CCNDBP1: variants seen among roughly 807,000 people sequenced by gnomAD.
The protein encoded by CCNDBP1 is cyclin D1 binding protein 1.
Under a neutral mutation model 46.2 loss-of-function variants are expected in CCNDBP1, and 45 were observed. That is an observed-to-expected ratio of 0.97 (90% CI 0.77 to 1.25). CCNDBP1 has a LOEUF of 1.25. Ranked by LOEUF, CCNDBP1 falls within the 50% of genes most tolerant of loss-of-function variation. CCNDBP1 has a pLI of 0.00. For synonymous variants in CCNDBP1, 154 were observed against 163.6 expected (o/e 0.94, Z 0.45); for missense variants, 436 against 442.1 (o/e 0.99, Z 0.12).
In CCNDBP1 at chr15:43,194,458, C is replaced by A. The variant is rs377272929; in HGVS notation, c.965C>A (p.Thr322Lys). 110 of 1,603,946 alleles carry A rather than the reference C, an allele frequency of 6.9e-5. No individual in the cohort carries two copies. The Middle Eastern group carries it at 8.3e-4, about 12-fold the overall frequency. Residue 322 changes from threonine (T) to lysine (K), a missense_variant, in exon 10 of 11, where the codon ACA becomes AAA. By Grantham distance (78) the Thr-to-Lys change is moderately conservative. Transcript: ENST00000300213. ...GTTTTAAAGAAGGCACTTGAAATTACAAAGTAAGTATGAAGACTTCTCAGA... is the reference window on the plus strand; with the variant it reads ...GTTTTAAAGAAGGCACTTGAAATTAAAAAGTAAGTATGAAGACTTCTCAGA... ...VSVLKKALEI[T>K]KASHVTPQPE...
In CCNDBP1 at chr15:43,194,919, A is replaced by G. The variant is rs1437522503; in HGVS notation, c.*78A>G. 1.1e-6 allele frequency: 1 copy of G among 882,540 alleles called. No homozygotes were observed. The allele number at this position is 882,540 out of a possible 1,614,324, so 54.7% of individuals were successfully genotyped here. A position where few individuals can be genotyped will look rare whatever the true frequency, so the allele number is the denominator to read the frequency against. Reference sequence around the variant, plus strand: ...TGATACCTGCTTTTAAAATGGAGCTAGAATGCTTGCTGGATTGAAAGGGAG... The same window carrying G: ...TGATACCTGCTTTTAAAATGGAGCTGGAATGCTTGCTGGATTGAAAGGGAG... On this transcript the variant is annotated 3_prime_UTR_variant, in exon 11 of 11. Transcript: ENST00000300213.
At position 43,196,251 on chromosome 15, in the gene CCNDBP1, T is replaced by TA. The variant is rs1308830882; in HGVS notation, c.*1410_*1411insA. On this transcript the variant is annotated 3_prime_UTR_variant, in exon 11 of 11. Transcript: ENST00000300213. ...GTCATGTTTGGATCTTTAAGGATAA[T>TA]GATCAGGGAAAGCACTGATCAATGT... The TA allele has an allele frequency of 2.0e-5, 3 of 151,228 alleles. No homozygotes were observed. The highest frequency in any genetic ancestry group is 7.3e-5 in the African/African-American group (3 of 41,202). 9.4% of individuals were successfully genotyped at this position (151,228 alleles called of 1,614,324 possible).
intron 4 of CCNDBP1, 101 bp downstream of exon 4, chr15:43,189,381 C>T: frequency 1.6e-6 from 1 of 637,780 alleles, no homozygotes; most frequent in East Asian, 2.9e-5. Context: ...ATGTAACTTT[C>T]TCCCATAAAA....
chr15:43,193,783 G>C (rs908315719), intron 9 of CCNDBP1, among the ~76,000 whole-genome samples: 2 of 152,150 alleles, frequency 1.3e-5, no homozygotes, highest in Admixed American at 1.3e-4. Flanking sequence ...AGATTCATCA[G>C]ATGTGTCTTC....
intron 10 of CCNDBP1, 42 bp downstream of exon 10, chr15:43,194,503 CG>C (rs2042013441): frequency 6.7e-7 from 1 of 1,499,204 alleles, no homozygotes; most frequent in East Asian, 2.3e-5. Context: ...GTGAGTAAAA[CG>C]GAACTGCTGT....
intron 8 of CCNDBP1, 120 bp from the exon 9 acceptor site, chr15:43,192,623 A>G (rs2041971910): frequency 1.1e-5 from 10 of 888,856 alleles, no homozygotes; most frequent in Middle Eastern, 2.3e-4. Flanking sequence ...CAGTTGCCCA[A>G]TTTTAAAAAC....
intron 9 of CCNDBP1, among the ~76,000 whole-genome samples, chr15:43,193,651 C>G (rs1050630045): frequency 6.6e-6 from 1 of 152,136 alleles, no homozygotes; most frequent in Non-Finnish European, 1.5e-5. Flanking sequence ...GTGCCCTTTA[C>G]TAGAGAGAGT....
chr15:43,192,832 C>T (rs1187918951), intron 9 of CCNDBP1, 29 bp downstream of exon 9: 2 of 1,599,026 alleles, frequency 1.3e-6, no homozygotes, highest in Non-Finnish European at 1.7e-6. Flanking sequence ...GGAATAGCTA[C>T]AGAACAAATG....
intron 6 of CCNDBP1, 104 bp from the exon 7 acceptor site, chr15:43,190,862 C>T: frequency 1.1e-6 from 1 of 911,004 alleles, no homozygotes; most frequent in Non-Finnish European, 1.8e-6. Flanking sequence ...GTCAACCGTC[C>T]TTGGCACTCC....
chr15:43,186,506 T>G (rs1361972212), intron 3 of CCNDBP1, among the ~76,000 whole-genome samples: 2 of 152,214 alleles, frequency 1.3e-5, no homozygotes, highest in East Asian at 1.9e-4. Flanking sequence ...TTTTATTTGC[T>G]GGGTGTTTTC....
intron 4 of CCNDBP1, chr15:43,189,587 A>G: frequency 2.8e-6 from 1 of 353,394 alleles, no homozygotes; most frequent in Non-Finnish European, 5.1e-6. Context: ...CCCCATATGC[A>G]GGCTCAGGCC....
rs1246213322 is a variant in CCNDBP1, at chr15:43,194,910, A to G, written c.*69A>G. ...GTCAGGCTCTGATACCTGCTTTTAA[A>G]ATGGAGCTAGAATGCTTGCTGGATT... On this transcript the variant is annotated 3_prime_UTR_variant, in exon 11 of 11. Coordinates refer to ENST00000300213, the MANE Select transcript of CCNDBP1 (RefSeq NM_012142.5). 4.2e-6 allele frequency: 4 copies of G among 961,384 alleles called. No homozygotes were observed. The South Asian group carries it at 5.5e-5, about 13-fold the overall frequency. The allele number at this position is 961,384 out of a possible 1,614,324, so 59.6% of individuals were successfully genotyped here. A position where few individuals can be genotyped will look rare whatever the true frequency, so the allele number is the denominator to read the frequency against.
At position 43,195,947 on chromosome 15, in the gene CCNDBP1, C is replaced by T. The variant is rs1431527069; in HGVS notation, c.*1106C>T. 2.0e-5 allele frequency: 3 copies of T among 152,086 alleles called. No homozygotes were observed. The highest frequency in any genetic ancestry group is 4.4e-5 in the Non-Finnish European group (3 of 68,006). 9.4% of individuals were successfully genotyped at this position (152,086 alleles called of 1,614,324 possible). ...TTGAAGTGCCATTTTGTATTGTTAA[C>T]AAGTGTCATGAAGGGAAGGAACTAA... On this transcript the variant is annotated 3_prime_UTR_variant, in exon 11 of 11. Transcript: ENST00000300213.
chr15:43,191,078 G>A lies in CCNDBP1; in HGVS notation c.579+36G>A, dbSNP rs778513599. The A allele has an allele frequency of 1.2e-5, 17 of 1,457,450 alleles. No individual in the cohort carries two copies. The East Asian group carries it at 3.6e-4, about 31-fold the overall frequency. 90.3% of individuals were successfully genotyped at this position (1,457,450 alleles called of 1,614,324 possible). A position where few individuals can be genotyped will look rare whatever the true frequency, so the allele number is the denominator to read the frequency against. On this transcript the variant is annotated intron_variant, in intron 7 of 10. Transcript: ENST00000300213. ...CTCCATCATTGGAAGGCAACTCCTT[G>A]ACTAGTAGATGAGAATTAATTATAA...
intron 9 of CCNDBP1, chr15:43,193,974 A>G (rs1327493389): frequency 6.6e-6 from 2 of 302,422 alleles, no homozygotes; most frequent in South Asian, 2.6e-5. Flanking sequence ...TATGCATCTT[A>G]TATGTATTGA....
rs1324822029 is a variant in CCNDBP1, at chr15:43,189,374, T to G, written c.331+94T>G. The G allele has an allele frequency of 4.5e-6, 3 of 669,782 alleles. No individual in the cohort carries two copies. The Admixed American group carries it at 9.5e-5, about 21-fold the overall frequency. 41.5% of individuals were successfully genotyped at this position (669,782 alleles called of 1,614,324 possible). A position where few individuals can be genotyped will look rare whatever the true frequency, so the allele number is the denominator to read the frequency against. The stretch of plus-strand genomic sequence containing the variant: ...TTTACCTTTACCCAACTTGAACATG[T>G]AACTTTCTCCCATAAAATACAGTGA... On this transcript the variant is annotated intron_variant, in intron 4 of 10. Transcript: ENST00000300213.
intron 2 of CCNDBP1, 93 bp downstream of exon 2, chr15:43,185,972 C>A: frequency 7.7e-7 from 1 of 1,293,140 alleles, no homozygotes; most frequent in Non-Finnish European, 1.1e-6. Context: ...GGGGACTGCT[C>A]TCCCCCGCTG....
At position 43,194,768 on chromosome 15, in the gene CCNDBP1, C is replaced by A. The variant is rs1235048445; in HGVS notation, c.1010C>A (p.Pro337His). ...VTPQPEDSWI[P>H]LLINAIDHCM... ...CCTCAGCCAGAAGATAGTTGGATCC[C>A]TTTACTTATTAATGCCATTGATCAT... Residue 337 changes from proline to histidine, a missense_variant, in exon 11 of 11, where the codon CCT (proline) becomes CAT (histidine). Pro to His is a moderately conservative substitution (Grantham distance 77). Transcript: ENST00000300213. The A allele has an allele frequency of 3.1e-6, 5 of 1,613,812 alleles. No individual in the cohort carries two copies.
In CCNDBP1 at chr15:43,190,056, G is replaced by A. The variant is rs1183708224; in HGVS notation, c.333G>A (p.Gly111=). The A allele has an allele frequency of 6.2e-7, 1 of 1,614,016 alleles. No individual in the cohort carries two copies. The highest frequency in any genetic ancestry group is 2.2e-5 in the East Asian group (1 of 44,886). Residue 111 remains glycine (G), a splice_region_variant and synonymous_variant, in exon 5 of 11, where the codon GGG becomes GGA. Coordinates refer to ENST00000300213, the MANE Select transcript of CCNDBP1 (RefSeq NM_012142.5). ...AVYYLLPKDQ[G]ITLRKLVRGA... is the part of the protein sequence containing the mutation. ...CTTATTCTTTGGGTTTGGCCACAGG[G>A]ATCACCCTGAGAAAGCTGGTACGGG...
Sources: gnomAD v4.1 joint callset for allele counts (sites outside exome capture counted in the v4.1 genomes callset) on GRCh38, gnomAD v4.1.1 for gene constraint, MANE v1.5 for transcripts, NCBI Gene and HGNC (gene_info 2026-07-23, HGNC 2026-07-21) for gene names.